Variants in CDH4 observed in about 807,000 individuals in gnomAD.
The protein encoded by CDH4 is cadherin-4.
Under a neutral mutation model 86.0 loss-of-function variants are expected in CDH4, and 33 were observed. The ratio of observed to expected loss-of-function variants is 0.38; its 90% CI spans 0.29 to 0.51. The LOEUF is 0.51. CDH4 is among the 20% of genes least tolerant of loss of function. CDH4 has a pLI of 0.86. For synonymous variants in CDH4, 555 were observed against 549.4 expected (o/e 1.01, Z -0.14); for missense variants, 1,114 against 1,307.4 (o/e 0.85, Z 2.28).
intron 4 of CDH4, among the ~76,000 whole-genome samples, chr20:61,784,689 GA>G (rs752297554): frequency 0.013 from 936 of 70,216 alleles, 88 homozygotes; most frequent in African/African-American, 0.061. Context: ...GCCCCCAAGA[GA>G]AATGTAATCC....
rs758237001 is a variant in CDH4 at position 61,894,924 on chromosome 20, C to T, written c.1065C>T (p.Tyr355=). 5 of 1,613,760 alleles carry T rather than the reference C, an allele frequency of 3.1e-6. No homozygotes were observed. The highest frequency in any genetic ancestry group is 4.5e-5 in the East Asian group (2 of 44,888). Residue 355 remains tyrosine (Y), a synonymous_variant, in exon 8 of 16, where the codon TAC becomes TAT. Coordinates refer to ENST00000614565, the MANE Select transcript of CDH4 (RefSeq NM_001794.5). ...CTCCCTTCCAGAAAGTTCAGCAGTA[C>T]ACAGTCATCGTTCAGGCCACAGATA... ...AGLDREKVQQ[Y]TVIVQATDME...
At chr20:61,858,149 CTG>C (rs1222298598) in intron 6 of CDH4, among the ~76,000 whole-genome samples, 3 of 130,024 alleles carry the variant, frequency 2.3e-5, no homozygotes, top group Admixed American at 1.6e-4. Flanking sequence ...GTGTGTGTGT[CTG>C]TGTCTGTGTG....
rs191049435 is a variant in CDH4, at chr20:61,424,201, G to T, written c.169+169264G>T. Among the ~76,000 whole-genome samples, 563 of 141,510 alleles carry T rather than the reference G, an allele frequency of 4.0e-3. 4 individuals are homozygous for T. The highest frequency in any genetic ancestry group is 6.2e-3 in the Non-Finnish European group (406 of 65,918). The allele number at this position is 141,510 out of a possible 152,430, so 92.8% of individuals were successfully genotyped here. On this transcript the variant is annotated intron_variant, in intron 2 of 15. Coordinates refer to ENST00000614565, the MANE Select transcript of CDH4 (RefSeq NM_001794.5). ...ACACATAGCACACATGTATCCACACGCATCCACACACAGCACACATGTATA... is the reference window on the plus strand; with the variant it reads ...ACACATAGCACACATGTATCCACACTCATCCACACACAGCACACATGTATA...
intron 2 of CDH4, among the ~76,000 whole-genome samples, chr20:61,504,525 T>C (rs1004836384): frequency 3.9e-5 from 6 of 152,052 alleles, no homozygotes; most frequent in Non-Finnish European, 8.8e-5. Flanking sequence ...CCCATAGAGG[T>C]TGTGACTGCC....
At chr20:61,622,269 G>A (rs2086784992) in intron 2 of CDH4, among the ~76,000 whole-genome samples, 1 of 152,230 alleles carries the variant, frequency 6.6e-6, no homozygotes, top group Non-Finnish European at 1.5e-5. Context: ...TTATGGAAAG[G>A]ACCTAGGTGG....
intron 2 of CDH4, among the ~76,000 whole-genome samples, chr20:61,714,289 G>A (rs11907736): frequency 0.027 from 4,098 of 151,828 alleles, 179 homozygotes; most frequent in African/African-American, 0.092. Flanking sequence ...CTCATGATCC[G>A]CCCGCCTCAG....
intron 2 of CDH4, among the ~76,000 whole-genome samples, chr20:61,275,054 C>A (rs1211875008): frequency 8.9e-6 from 1 of 111,828 alleles, no homozygotes; most frequent in Non-Finnish European, 1.7e-5. Context: ...TGGGGGAGTA[C>A]CGTGTGCAGT....
rs145018389 is a variant in CDH4, at chr20:61,417,734, G to A, written c.169+162797G>A. The stretch of plus-strand genomic sequence containing the variant: ...ACGGCTGGAGACAGGTGCACATGGC[G>A]GGAAGTGGGCACAGGAGCCTTGACC... On this transcript the variant is annotated intron_variant, in intron 2 of 15. Coordinates refer to ENST00000614565, the MANE Select transcript of CDH4 (RefSeq NM_001794.5). The surrounding 1 kb of genome is among the most constrained non-coding windows in gnomAD (Gnocchi z 4.0). Among the ~76,000 whole-genome samples the A allele has an allele frequency of 4.6e-4, 70 of 152,254 alleles. 1 individual carries two copies. The highest frequency in any genetic ancestry group is 1.6e-3 in the African/African-American group (66 of 41,540).
intron 11 of CDH4, among the ~76,000 whole-genome samples, chr20:61,926,356 T>C (rs1043379458): frequency 1.3e-5 from 2 of 152,142 alleles, no homozygotes; most frequent in South Asian, 2.1e-4. Context: ...AGGGTAGCCA[T>C]TGTGCAAACG....
intron 2 of CDH4, among the ~76,000 whole-genome samples, chr20:61,706,153 CTCG>C (rs1474860136): frequency 2.0e-5 from 3 of 152,240 alleles, no homozygotes; most frequent in African/African-American, 7.2e-5. Context: ...CCGGCGCCTG[CTCG>C]GCAACTGTTC....
intron 2 of CDH4, among the ~76,000 whole-genome samples, chr20:61,527,997 C>T (rs2085923252): frequency 6.6e-6 from 1 of 152,108 alleles, no homozygotes. Context: ...AGCATTATTC[C>T]AGGGTATAGA....
intron 2 of CDH4, among the ~76,000 whole-genome samples, chr20:61,496,563 A>G (rs1048155577): frequency 2.6e-5 from 4 of 152,224 alleles, no homozygotes; most frequent in African/African-American, 9.6e-5. Context: ...GTATCTCAGT[A>G]GTGTTCAATA....
chr20:61,651,678 C>T (rs1427483159), intron 2 of CDH4, among the ~76,000 whole-genome samples: 2 of 152,228 alleles, frequency 1.3e-5, no homozygotes, highest in Admixed American at 6.5e-5. Flanking sequence ...AGGGGACTTG[C>T]ACCAACCTCC....
At chr20:61,877,838 G>A (rs753424946) in intron 7 of CDH4, among the ~76,000 whole-genome samples, 58 of 152,192 alleles carry the variant, frequency 3.8e-4, no homozygotes, top group Non-Finnish European at 6.9e-4. Flanking sequence ...GGACGGTCAT[G>A]GGGCTGGACT....
At chr20:61,805,685 C>T (rs747170235) in intron 4 of CDH4, among the ~76,000 whole-genome samples, 1 of 152,208 alleles carries the variant, frequency 6.6e-6, no homozygotes, top group African/African-American at 2.4e-5. Context: ...TTAAAACTCC[C>T]ACGAGGCCAG....
intron 2 of CDH4, among the ~76,000 whole-genome samples, chr20:61,320,597 G>T (rs975259859): frequency 1.3e-5 from 2 of 152,062 alleles, no homozygotes; most frequent in Admixed American, 1.3e-4. Flanking sequence ...GTGAGTGGGG[G>T]ATGGGGGTGC....
At chr20:61,561,909 C>T (rs553829175) in intron 2 of CDH4, among the ~76,000 whole-genome samples, 3 of 152,348 alleles carry the variant, frequency 2.0e-5, no homozygotes, top group African/African-American at 4.8e-5. Flanking sequence ...TGTTTCTGGG[C>T]AGTGACCATA....
intron 2 of CDH4, among the ~76,000 whole-genome samples, chr20:61,336,350 C>T (rs527447450): frequency 1.3e-5 from 2 of 152,324 alleles, no homozygotes; most frequent in South Asian, 4.1e-4. Context: ...TCTTCTTCCT[C>T]CTCGACCATC....
At chr20:61,399,476 G>T (rs60488927) in intron 2 of CDH4, among the ~76,000 whole-genome samples, 69,298 of 150,942 alleles carry the variant, frequency 0.46, 16,398 homozygotes, top group African/African-American at 0.56. Context: ...AATTTCAAAC[G>T]TACCCAAAGG....
Sources: gnomAD v4.1 joint callset for allele counts (sites outside exome capture counted in the v4.1 genomes callset) on GRCh38, gnomAD v4.1.1 for gene constraint, Gnocchi (gnomAD v3.1) non-coding constraint, MANE v1.5 for transcripts, NCBI Gene and HGNC (gene_info 2026-07-23, HGNC 2026-07-21) for gene names.